The following UBE3D variants were observed in gnomAD, a reference collection of about 807,000 sequenced individuals.
UBE3D encodes E3 ubiquitin-protein ligase E3D.
UBE3D carries 48 observed loss-of-function variants against 49.6 expected under a neutral mutation model. That is an observed-to-expected ratio of 0.97 (90% CI 0.77 to 1.23). The LOEUF (loss-of-function observed/expected upper bound fraction) is 1.23, where lower values mean the gene tolerates loss of function less well. Among genes scored for constraint, UBE3D ranks in the 50% most tolerant of loss-of-function variants. The pLI, the probability that UBE3D is intolerant of heterozygous loss-of-function variation, is 0.00. For synonymous variants in UBE3D, 189 were observed against 174.2 expected (o/e 1.08, Z -0.67); for missense variants, 452 against 468.4 (o/e 0.96, Z 0.32).
At chr6:82,981,472 C>A (rs967134614) in intron 8 of UBE3D, among the ~76,000 whole-genome samples, 1 of 151,834 alleles carries the variant, frequency 6.6e-6, no homozygotes, top group African/African-American at 2.4e-5. Flanking sequence ...CTAAATGATC[C>A]AGTGGTATAA....
chr6:82,939,675 A>C (rs1774863227), intron 9 of UBE3D, among the ~76,000 whole-genome samples: 1 of 152,186 alleles, frequency 6.6e-6, no homozygotes, highest in Admixed American at 6.5e-5. Flanking sequence ...AGACTGTCCC[A>C]GCCCATCTAG....
intron 8 of UBE3D, among the ~76,000 whole-genome samples, chr6:83,009,703 T>C (rs1357329730): frequency 2.4e-5 from 1 of 41,236 alleles, no homozygotes. Context: ...CTGTATAAAA[T>C]CTTAGCCAAG....
chr6:83,054,815 T>C (rs781392797), intron 2 of UBE3D, among the ~76,000 whole-genome samples: 47 of 152,260 alleles, frequency 3.1e-4, no homozygotes, highest in Non-Finnish European at 5.1e-4. Flanking sequence ...CATGCCTGGC[T>C]AATTTTTGTA....
rs1372908865 is a variant in UBE3D, at chr6:82,965,959, T to C, written c.1011-8509A>G. 3.3e-5 allele frequency among the ~76,000 whole-genome samples: 5 copies of C among 152,338 alleles called. No individual in the cohort carries two copies. In the East Asian group the frequency reaches 7.7e-4, roughly 23 times the overall value. On this transcript the variant is annotated intron_variant, in intron 8 of 9. Transcript: ENST00000369747. Reference sequence around the variant, plus strand: ...ATAATTCAGTATGTATCTTTAAAGATAGATTCTTTTAAAAAGAATATCCAC... The same window carrying C: ...ATAATTCAGTATGTATCTTTAAAGACAGATTCTTTTAAAAAGAATATCCAC...
intron 9 of UBE3D, among the ~76,000 whole-genome samples, chr6:82,943,621 G>C (rs1039427301): frequency 6.6e-6 from 1 of 152,128 alleles, no homozygotes; most frequent in Admixed American, 6.5e-5. Context: ...GGATGACAGA[G>C]CGAGACCCTG....
Position 82,954,758 on chromosome 6 carries a change from C to T in UBE3D, c.1149+2554G>A, listed in dbSNP as rs572244318. On this transcript the variant is annotated intron_variant, in intron 9 of 9. Transcript: ENST00000369747. ...ATAATAAATGATGAAGTGGGTGGTACAAAGATGAAAAAGCAGAGCATCTCT... is the reference window on the plus strand; with the variant it reads ...ATAATAAATGATGAAGTGGGTGGTATAAAGATGAAAAAGCAGAGCATCTCT... 5.8e-4 allele frequency among the ~76,000 whole-genome samples: 88 copies of T among 152,192 alleles called. 3 individuals carry two copies. The South Asian group carries it at 0.017, about 30-fold the overall frequency.
intron 8 of UBE3D, among the ~76,000 whole-genome samples, chr6:83,001,064 G>A (rs921309394): frequency 7.9e-5 from 12 of 151,998 alleles, no homozygotes; most frequent in South Asian, 2.1e-4. Flanking sequence ...GGCTGGTCTC[G>A]AACTCCCTAC....
chr6:83,055,266 T>C (rs1783743970), intron 2 of UBE3D, among the ~76,000 whole-genome samples: 1 of 152,212 alleles, frequency 6.6e-6, no homozygotes. Flanking sequence ...AAAATATGTC[T>C]ATAAAAATCT....
intron 9 of UBE3D, among the ~76,000 whole-genome samples, chr6:82,946,456 AAAC>A (rs1435252139): frequency 6.6e-6 from 1 of 152,284 alleles, no homozygotes; most frequent in South Asian, 2.1e-4. Flanking sequence ...TTTCCCAGAC[AAAC>A]AACAACTGAG....
chr6:82,998,057 G>T (rs1198903752), intron 8 of UBE3D, among the ~76,000 whole-genome samples: 1 of 152,198 alleles, frequency 6.6e-6, no homozygotes, highest in Admixed American at 6.5e-5. Flanking sequence ...TGAGGCAGAG[G>T]GTGTCCCATG....
At chr6:83,022,337 AT>A in intron 7 of UBE3D, 115 bp downstream of exon 7, 2 of 726,460 alleles carry the variant, frequency 2.8e-6, no homozygotes, top group Non-Finnish European at 4.2e-6. Flanking sequence ...TGATATTAAC[AT>A]TTTTAATCAC....
chr6:82,911,868 G>A (rs1182775125), intron 9 of UBE3D, among the ~76,000 whole-genome samples: 3 of 152,032 alleles, frequency 2.0e-5, no homozygotes, highest in Admixed American at 1.3e-4. Flanking sequence ...TCCTGTCATC[G>A]GTCAGAAAGG....
intron 8 of UBE3D, among the ~76,000 whole-genome samples, chr6:82,991,678 A>G (rs1016482169): frequency 4.6e-5 from 7 of 152,214 alleles, no homozygotes; most frequent in Non-Finnish European, 1.0e-4. Flanking sequence ...AAATTTTGTT[A>G]AGAAATTTAT....
At chr6:82,913,254 A>T (rs900800677) in intron 9 of UBE3D, among the ~76,000 whole-genome samples, 1 of 152,166 alleles carries the variant, frequency 6.6e-6, no homozygotes, top group Non-Finnish European at 1.5e-5. Flanking sequence ...AGTTTCTATC[A>T]CTGTACTGTT....
At chr6:82,943,348 G>A (rs779542007) in intron 9 of UBE3D, among the ~76,000 whole-genome samples, 8 of 152,124 alleles carry the variant, frequency 5.3e-5, no homozygotes, top group African/African-American at 1.2e-4. Context: ...CTTAAGAACC[G>A]AAACTCAGCC....
At chr6:83,016,441 C>T (rs1190732808) in intron 8 of UBE3D, among the ~76,000 whole-genome samples, 2 of 151,988 alleles carry the variant, frequency 1.3e-5, no homozygotes, top group African/African-American at 2.4e-5. Context: ...AAGTAGAGTC[C>T]TTAGCATTTT....
At chr6:83,033,760 T>C (rs959865945) in intron 5 of UBE3D, among the ~76,000 whole-genome samples, 1 of 152,240 alleles carries the variant, frequency 6.6e-6, no homozygotes, top group African/African-American at 2.4e-5. Context: ...CTATTTTCTT[T>C]ATAAATTACC....
At chr6:82,967,260 T>C (rs1777010016) in intron 8 of UBE3D, among the ~76,000 whole-genome samples, 1 of 152,200 alleles carries the variant, frequency 6.6e-6, no homozygotes. Context: ...GATAACTACA[T>C]CAACATTGAT....
intron 8 of UBE3D, among the ~76,000 whole-genome samples, chr6:82,959,784 T>G (rs553381765): frequency 4.9e-4 from 74 of 150,660 alleles, no homozygotes; most frequent in African/African-American, 1.7e-3. Flanking sequence ...GGCCTGCCTT[T>G]TACACACCAG....
Sources: gnomAD v4.1 joint callset for allele counts (sites outside exome capture counted in the v4.1 genomes callset) on GRCh38, gnomAD v4.1.1 for gene constraint, MANE v1.5 for transcripts, NCBI Gene and HGNC (gene_info 2026-07-23, HGNC 2026-07-21) for gene names.